The following FRY variants were observed in gnomAD, a reference collection of about 807,000 sequenced individuals.
The protein encoded by FRY is protein furry homolog.
Under a neutral mutation model 348.4 loss-of-function variants are expected in FRY, and 128 were observed. That is an observed-to-expected ratio of 0.37 (90% CI 0.32 to 0.43). The LOEUF is 0.43. FRY is among the 20% of genes least tolerant of loss of function. The probability of loss-of-function intolerance (pLI) is 1.00; values close to 1 mark genes in which losing one functional copy is unlikely to be tolerated. For missense variants in FRY, 2,736 were observed against 3,695.2 expected, an observed-to-expected ratio of 0.74 and a Z score of 6.73; for synonymous variants, 1,370 against 1,374.7, an observed-to-expected ratio of 1.00 and a Z score of 0.08.
intron 19 of FRY, among the ~76,000 whole-genome samples, chr13:32,174,801 A>G (rs915643281): frequency 6.6e-6 from 1 of 152,158 alleles, no homozygotes; most frequent in East Asian, 1.9e-4. Context: ...CTTTTGAGTA[A>G]ATAATTTTAT....
chr13:32,042,557 G>A (rs1221776563), intron 1 of FRY, among the ~76,000 whole-genome samples: 1 of 152,074 alleles, frequency 6.6e-6, no homozygotes, highest in East Asian at 1.9e-4. Context: ...TTCCAGGTGG[G>A]CTTAGAAGCT....
At chr13:32,244,541 A>T (rs1382067454) in intron 47 of FRY, among the ~76,000 whole-genome samples, 2 of 152,182 alleles carry the variant, frequency 1.3e-5, no homozygotes, top group Non-Finnish European at 2.9e-5. Flanking sequence ...GAACTTTCAC[A>T]TGTGCCGGGT....
Position 32,124,338 on chromosome 13 carries a change from T to C in FRY, c.517T>C (p.Phe173Leu). ...LMERRDLAID[F>L]IFSLVLIEVL... ...GGAAAGACGGGACCTCGCCATTGATTTTATTTTTTCTTTAGTATTAATAGA... is the reference window on the plus strand; with the variant it reads ...GGAAAGACGGGACCTCGCCATTGATCTTATTTTTTCTTTAGTATTAATAGA... The change falls in exon 5 of 61, where the codon TTT (phenylalanine) becomes CTT (leucine). Residue 173 changes from phenylalanine to leucine, a missense_variant. By Grantham distance (22) the Phe-to-Leu change is conservative (BLOSUM62 0). Around this residue, in one of 9 missense-constraint regions of FRY, gnomAD observed 309 missense variants for 418.1 expected, o/e 0.74. Transcript: ENST00000542859. The C allele has an allele frequency of 6.3e-7, 1 of 1,597,604 alleles. No individual in the cohort carries two copies. The highest frequency in any genetic ancestry group is 8.6e-7 in the Non-Finnish European group (1 of 1,165,332).
At chr13:32,262,123 A>C (rs943936029) in intron 52 of FRY, among the ~76,000 whole-genome samples, 191 bp from the exon 53 acceptor site, 1 of 152,196 alleles carries the variant, frequency 6.6e-6, no homozygotes, top group Admixed American at 6.5e-5. Flanking sequence ...TAAAGTGTGG[A>C]GATATGACAG....
At chr13:32,252,450 TAC>T (rs1461710449) in intron 50 of FRY, among the ~76,000 whole-genome samples, 2 of 152,180 alleles carry the variant, frequency 1.3e-5, no homozygotes, top group African/African-American at 4.8e-5. Context: ...ACAAAAATCA[TAC>T]CATCAAGCTT....
chr13:32,120,386 G>C (rs1878578598), intron 4 of FRY, among the ~76,000 whole-genome samples: 1 of 152,000 alleles, frequency 6.6e-6, no homozygotes, highest in Admixed American at 6.6e-5. Flanking sequence ...CAATCAGTGT[G>C]TTAGTCAAGC....
intron 48 of FRY, among the ~76,000 whole-genome samples, chr13:32,248,943 T>C (rs1886937767): frequency 3.3e-5 from 5 of 152,210 alleles, no homozygotes; most frequent in African/African-American, 9.6e-5. Flanking sequence ...GTCAAGCCCA[T>C]GAGCTGGTGT....
At chr13:32,194,119 T>C (rs749945488) in intron 28 of FRY, 24 bp from the exon 29 acceptor site, 1 of 1,604,120 alleles carries the variant, frequency 6.2e-7, no homozygotes, top group South Asian at 1.1e-5. Context: ...ATGGGAATAA[T>C]ATTGATTTGC....
At chr13:32,192,739 CTTTTT>C (rs71194513) in intron 28 of FRY, among the ~76,000 whole-genome samples, 1 of 99,240 alleles carries the variant, frequency 1.0e-5, no homozygotes. Flanking sequence ...CAGAATGTTA[CTTTTT>C]TTTTTTTTTT....
At chr13:32,078,110 C>T (rs1875222104) in intron 1 of FRY, among the ~76,000 whole-genome samples, 1 of 152,202 alleles carries the variant, frequency 6.6e-6, no homozygotes. Flanking sequence ...GACTCTGTTG[C>T]ATTCTGAACA....
intron 1 of FRY, among the ~76,000 whole-genome samples, chr13:32,065,511 C>G (rs1485833248): frequency 6.6e-6 from 1 of 152,020 alleles, no homozygotes; most frequent in Non-Finnish European, 1.5e-5. Context: ...TCACCGTGTT[C>G]CCTAGGCTGG....
chr13:32,051,007 A>T (rs935323854), intron 1 of FRY, among the ~76,000 whole-genome samples: 1 of 152,254 alleles, frequency 6.6e-6, no homozygotes, highest in African/African-American at 2.4e-5. Context: ...CTGAAAAGCA[A>T]CAATGAGGAT....
rs114120464 is a variant in FRY at position 32,129,716 on chromosome 13, C to G, written c.717-1956C>G. ...TTCTTGAAGCTATTTATATTTTCTG[C>G]TCTATTGCCTTTTAAAAATCTTTTT... is the stretch of plus-strand genomic sequence containing the variant. On this transcript the variant is annotated intron_variant, in intron 7 of 60. Transcript: ENST00000542859. Among the ~76,000 whole-genome samples, 1,421 of 152,258 alleles carry G rather than the reference C, an allele frequency of 9.3e-3. 17 individuals carry two copies. The highest frequency in any genetic ancestry group is 0.033 in the African/African-American group (1,362 of 41,542).
intron 47 of FRY, 131 bp downstream of exon 47, chr13:32,244,313 G>A: frequency 1.2e-6 from 1 of 844,868 alleles, no homozygotes; most frequent in Non-Finnish European, 2.0e-6. Context: ...GGCACAGCCA[G>A]GGCAGTTAAG....
chr13:32,176,860 A>G (rs1017403365), intron 20 of FRY, among the ~76,000 whole-genome samples: 9 of 152,198 alleles, frequency 5.9e-5, no homozygotes, highest in African/African-American at 1.9e-4. Context: ...TAATTCACTG[A>G]AAGATTTGGT....
intron 17 of FRY, among the ~76,000 whole-genome samples, chr13:32,165,272 A>G (rs1033740245): frequency 6.6e-6 from 1 of 152,240 alleles, no homozygotes; most frequent in African/African-American, 2.4e-5. Context: ...GTATCTAAAA[A>G]TCATTAAACA....
At chr13:32,274,712 A>T (rs1888427098) in intron 55 of FRY, 130 bp from the exon 56 acceptor site, 1 of 558,234 alleles carries the variant, frequency 1.8e-6, no homozygotes, top group African/African-American at 1.9e-5. Context: ...TCAAAAAAAA[A>T]AAAAAAAAAA....
intron 32 of FRY, 130 bp downstream of exon 32, chr13:32,209,239 G>A (rs1884539006): frequency 1.3e-5 from 14 of 1,050,882 alleles, no homozygotes; most frequent in Non-Finnish European, 4.3e-6. Flanking sequence ...AGTGGTGATG[G>A]TTGCACAGAA....
intron 58 of FRY, 134 bp downstream of exon 58, chr13:32,278,682 CAG>C: frequency 1.3e-6 from 1 of 755,230 alleles, no homozygotes; most frequent in Non-Finnish European, 2.5e-6. Context: ...ATGAAACCAA[CAG>C]AGTAAGACAG....
Sources: gnomAD v4.1 joint callset for allele counts (sites outside exome capture counted in the v4.1 genomes callset) on GRCh38, gnomAD v4.1.1 for gene constraint, gnomAD v4.1.1 regional missense constraint, MANE v1.5 for transcripts, NCBI Gene and HGNC (gene_info 2026-07-23, HGNC 2026-07-21) for gene names.